The following TANC2 variants were observed in gnomAD, a reference collection of about 807,000 sequenced individuals.
TANC2 encodes tetratricopeptide repeat, ankyrin repeat and coiled-coil containing 2, also known as protein TANC2.
TANC2 carries 26 observed loss-of-function variants against 210.5 expected under a neutral mutation model. The ratio of observed to expected loss-of-function variants is 0.12; its 90% CI spans 0.09 to 0.17. The LOEUF is 0.17. Among genes scored for constraint, TANC2 ranks in the 10% least tolerant of loss-of-function variants. TANC2 has a pLI of 1.00. For missense variants in TANC2, 2,129 were observed against 2,608.9 expected, an observed-to-expected ratio of 0.82 and a Z score of 4.01; for synonymous variants, 931 against 967.1, an observed-to-expected ratio of 0.96 and a Z score of 0.69.
chr17:63,022,164 C>T (rs777286267), intron 2 of TANC2, among the ~76,000 whole-genome samples: 6 of 151,938 alleles, frequency 3.9e-5, no homozygotes, highest in Non-Finnish European at 4.4e-5. Flanking sequence ...GATGGTGAAA[C>T]CCCATCTGTA....
chr17:63,075,085 A>G (rs559005213), intron 3 of TANC2, among the ~76,000 whole-genome samples: 1 of 152,310 alleles, frequency 6.6e-6, no homozygotes, highest in South Asian at 2.1e-4. Context: ...ATACTTAATC[A>G]TACTTAAGTA....
At chr17:63,011,115 A>G (rs952187342) in intron 2 of TANC2, among the ~76,000 whole-genome samples, 2 of 152,126 alleles carry the variant, frequency 1.3e-5, no homozygotes, top group African/African-American at 4.8e-5. Context: ...GGTACCTATC[A>G]TTCGTCTCGT....
chr17:63,300,122 GT>G (rs1472273576), intron 9 of TANC2, among the ~76,000 whole-genome samples: 1 of 152,146 alleles, frequency 6.6e-6, no homozygotes. Context: ...TGAGGTCTCT[GT>G]TCTGTTCCAT....
chr17:63,033,582 C>A (rs2034858851), intron 2 of TANC2, among the ~76,000 whole-genome samples: 1 of 152,014 alleles, frequency 6.6e-6, no homozygotes, highest in Non-Finnish European at 1.5e-5. Context: ...GGGTGGGAGG[C>A]AGAACCAAAT....
intron 11 of TANC2, among the ~76,000 whole-genome samples, chr17:63,322,087 T>A (rs1326925015): frequency 6.6e-6 from 1 of 152,230 alleles, no homozygotes; most frequent in Admixed American, 6.5e-5. Context: ...TACTCAGTAG[T>A]ACATCCTCAT....
In TANC2 at chr17:63,095,301, G is replaced by A. The variant is rs1364368581; in HGVS notation, c.140-3874G>A. 2.0e-5 allele frequency among the ~76,000 whole-genome samples: 3 copies of A among 151,992 alleles called. No individual in the cohort carries two copies. In the South Asian group the frequency reaches 6.2e-4, roughly 32 times the overall value. On this transcript the variant is annotated intron_variant, in intron 3 of 27. Coordinates refer to ENST00000689528, the Ensembl canonical transcript of TANC2. ...ATTGATCCTCCTACTTCAGCCTTCCGAGTAGCTGGGACGACAGGTACGCCA... is the reference window on the plus strand; with the variant it reads ...ATTGATCCTCCTACTTCAGCCTTCCAAGTAGCTGGGACGACAGGTACGCCA...
intron 1 of TANC2, among the ~76,000 whole-genome samples, chr17:62,987,892 T>C (rs780707730): frequency 6.6e-6 from 1 of 152,118 alleles, no homozygotes; most frequent in African/African-American, 2.4e-5. Flanking sequence ...ACTGAGTTTT[T>C]TTTGTTTGTT....
At chr17:63,103,692 A>G (rs1190536734) in intron 4 of TANC2, among the ~76,000 whole-genome samples, 3 of 152,222 alleles carry the variant, frequency 2.0e-5, no homozygotes, top group Non-Finnish European at 4.4e-5. Context: ...TGTTAATAAA[A>G]TTTGTTGAGA....
At chr17:63,374,275 C>T (rs1025254012) in intron 14 of TANC2, among the ~76,000 whole-genome samples, 2 of 151,952 alleles carry the variant, frequency 1.3e-5, no homozygotes, top group Admixed American at 6.6e-5. Context: ...TGGACTCGAG[C>T]GACCCTCCCA....
chr17:63,335,493 A>G (rs994912639), intron 11 of TANC2, among the ~76,000 whole-genome samples: 2 of 151,928 alleles, frequency 1.3e-5, no homozygotes, highest in Non-Finnish European at 2.9e-5. Flanking sequence ...TGCACCTGTA[A>G]TCCCAGCTAC....
At chr17:63,267,943 T>C in intron 9 of TANC2, 70 bp downstream of exon 9, 2 of 1,529,542 alleles carry the variant, frequency 1.3e-6, no homozygotes, top group African/African-American at 2.7e-5. Context: ...AAAAAGTTGC[T>C]TTGTCTCCTA....
intron 4 of TANC2, among the ~76,000 whole-genome samples, chr17:63,145,847 T>A (rs1220446191): frequency 2.0e-5 from 3 of 152,180 alleles, no homozygotes; most frequent in Non-Finnish European, 4.4e-5. Flanking sequence ...TCCAAGTTTA[T>A]TATTTTTTTC....
At chr17:63,355,215 G>T in exon 14 of TANC2, 1 of 1,613,758 alleles carries the variant, frequency 6.2e-7, no homozygotes, top group Non-Finnish European at 8.5e-7. Flanking sequence ...GGCCATCAAT[G>T]CTGGGAGCAT....
intron 3 of TANC2, among the ~76,000 whole-genome samples, chr17:63,091,049 G>T (rs2037170146): frequency 6.6e-6 from 1 of 151,460 alleles, no homozygotes; most frequent in South Asian, 2.1e-4. Flanking sequence ...ACTTGTTGAT[G>T]GGGTTGTTTG....
chr17:63,157,463 A>G (rs1156761044), intron 5 of TANC2, among the ~76,000 whole-genome samples: 1 of 152,218 alleles, frequency 6.6e-6, no homozygotes, highest in Non-Finnish European at 1.5e-5. Flanking sequence ...AAACCATTTT[A>G]ACTTCCAGCT....
chr17:63,222,761 A>G (rs1281909091), intron 7 of TANC2, among the ~76,000 whole-genome samples: 1 of 152,094 alleles, frequency 6.6e-6, no homozygotes, highest in Non-Finnish European at 1.5e-5. Flanking sequence ...ACACACTAGC[A>G]TGACACAGCT....
intron 12 of TANC2, among the ~76,000 whole-genome samples, chr17:63,341,360 C>T (rs1265680215): frequency 6.6e-6 from 1 of 152,186 alleles, no homozygotes; most frequent in African/African-American, 2.4e-5. Flanking sequence ...CAGTCAATCT[C>T]TAAAACCTGT....
exon 14 of TANC2, chr17:63,355,277 C>A (rs1359487249): frequency 1.2e-6 from 2 of 1,613,312 alleles, no homozygotes; most frequent in Admixed American, 1.7e-5. Context: ...AGAACCTCTC[C>A]ATGTTCCTAA....
At chr17:63,261,012 A>G (rs1340330074) in intron 8 of TANC2, among the ~76,000 whole-genome samples, 2 of 152,092 alleles carry the variant, frequency 1.3e-5, no homozygotes, top group African/African-American at 2.4e-5. Context: ...TACAAGGATC[A>G]TTTGAGGCCA....
Sources: gnomAD v4.1 joint callset for allele counts (sites outside exome capture counted in the v4.1 genomes callset) on GRCh38, gnomAD v4.1.1 for gene constraint, MANE v1.5 for transcripts, NCBI Gene and HGNC (gene_info 2026-07-23, HGNC 2026-07-21) for gene names.